Variants in AHRR observed in about 807,000 individuals in gnomAD.
The protein encoded by AHRR is ahR repressor.
Under a neutral mutation model 44.0 loss-of-function variants are expected in AHRR, and 28 were observed. The observed-to-expected ratio is 0.64, with a 90% CI of 0.47 to 0.87. AHRR has a LOEUF of 0.87. Among genes scored for constraint, AHRR ranks in the 40% least tolerant of loss-of-function variants. AHRR has a pLI of 0.00. For synonymous variants in AHRR, 434 were observed against 407.0 expected (o/e 1.07, Z -0.80); for missense variants, 990 against 953.9 (o/e 1.04, Z -0.50).
intron 4 of AHRR, among the ~76,000 whole-genome samples, chr5:408,398 A>G (rs1735353973): frequency 6.6e-6 from 1 of 150,488 alleles, no homozygotes; most frequent in Non-Finnish European, 1.5e-5. Context: ...TTTTTTCAGG[A>G]ATAATTGTTG....
chr5:367,848 C>T (rs1389235852), intron 3 of AHRR: 3 of 702,580 alleles, frequency 4.3e-6, no homozygotes, highest in Non-Finnish European at 5.2e-6. Context: ...ATGTGGATGA[C>T]CACACGGGCG....
rs1163635179 is a variant in AHRR, at chr5:342,502, G to T, written c.-10-1391G>T. 6.6e-6 allele frequency among the ~76,000 whole-genome samples: 1 copy of T among 152,172 alleles called. No homozygotes were observed. On this transcript the variant is annotated intron_variant, in intron 1 of 10. Transcript: ENST00000684583. This position sits in a 1 kb window ranked among gnomAD's most constrained non-coding sequence, Gnocchi z 4.3. ...TTCATTTGATTAACGTTTGCATGTT[G>T]TATCTTTTTCTATCCATTTACTTTA...
intron 4 of AHRR, among the ~76,000 whole-genome samples, chr5:389,943 G>GAA (rs1734342530): frequency 2.4e-5 from 3 of 126,010 alleles, no homozygotes; most frequent in African/African-American, 8.8e-5. Flanking sequence ...GAGGGGAAGG[G>GAA]AGGGAGGGGG....
intron 3 of AHRR, among the ~76,000 whole-genome samples, chr5:372,613 G>A (rs1359940527): frequency 1.3e-5 from 2 of 152,108 alleles, no homozygotes; most frequent in East Asian, 1.9e-4. Flanking sequence ...GCTGGGGTGC[G>A]TGATCTCCAG....
At position 427,843 on chromosome 5, in the gene AHRR, G is replaced by A. The variant is rs748194882; in HGVS notation, c.745G>A (p.Gly249Arg). The A allele has an allele frequency of 6.2e-7, 1 of 1,614,200 alleles. No homozygotes were observed. Among genetic ancestry groups the A allele is most frequent in the Non-Finnish European group, 8.5e-7 (1 of 1,180,042 alleles). Residue 249 changes from glycine (G) to arginine (R), a missense_variant, in exon 8 of 11, where the codon GGA becomes AGA. Physicochemically the swap from Gly to Arg is moderately radical, Grantham distance 125. Coordinates refer to ENST00000684583, the MANE Select transcript of AHRR (RefSeq NM_001377236.1). ...QFQGKLKFLF[G>R]QKKKAPSGAM... is the part of the protein sequence containing the mutation. ...TCAAGGAAAACTAAAATTCCTGTTTGGACAGAAGAAGAAGGCGCCGTCAGG... is the reference window on the plus strand; with the variant it reads ...TCAAGGAAAACTAAAATTCCTGTTTAGACAGAAGAAGAAGGCGCCGTCAGG...
chr5:402,572 G>C (rs1735063611), intron 4 of AHRR, among the ~76,000 whole-genome samples: 1 of 152,218 alleles, frequency 6.6e-6, no homozygotes, highest in Non-Finnish European at 1.5e-5. Context: ...TTGGCGGGAA[G>C]GTAGATTAGT....
At chr5:343,793 T>G in intron 1 of AHRR, 100 bp from the exon 2 acceptor site, 5 of 1,234,314 alleles carry the variant, frequency 4.1e-6, no homozygotes, top group Non-Finnish European at 5.6e-6. Flanking sequence ...GGGTCGCGGG[T>G]GTGGGGGCGC....
chr5:387,214 A>G lies in AHRR; in HGVS notation c.351+10498A>G, dbSNP rs759483601. ...CCAGGACACGTGTCAGTTCGTACAC[A>G]GAAGCGGGGTCCTGTCTCCTGCTCT... On this transcript the variant is annotated intron_variant, in intron 4 of 10. Coordinates refer to ENST00000684583, the MANE Select transcript of AHRR (RefSeq NM_001377236.1). This position sits in a 1 kb window ranked among gnomAD's most constrained non-coding sequence, Gnocchi z 5.1. Among the ~76,000 whole-genome samples, 6 of 152,230 alleles carry G rather than the reference A, an allele frequency of 3.9e-5. No individual in the cohort carries two copies. The highest frequency in any genetic ancestry group is 7.3e-5 in the Non-Finnish European group (5 of 68,038).
chr5:403,353 T>A (rs1265912531), intron 4 of AHRR, among the ~76,000 whole-genome samples: 2 of 152,140 alleles, frequency 1.3e-5, no homozygotes, highest in Admixed American at 1.3e-4. Context: ...TTTAACCACT[T>A]AGGTCGGGTG....
chr5:396,069 G>A (rs1031039973), intron 4 of AHRR, among the ~76,000 whole-genome samples: 3 of 152,196 alleles, frequency 2.0e-5, no homozygotes, highest in Non-Finnish European at 2.9e-5. Flanking sequence ...AAACGAGCCC[G>A]GGAGGGTAAG....
At chr5:389,391 C>T (rs1432009371) in intron 4 of AHRR, among the ~76,000 whole-genome samples, 5 of 152,206 alleles carry the variant, frequency 3.3e-5, no homozygotes, top group East Asian at 3.9e-4. Flanking sequence ...CCGAGCGACT[C>T]GGATCACATT....
At chr5:423,003 G>A in intron 6 of AHRR, 145 bp downstream of exon 6, 5 of 1,179,632 alleles carry the variant, frequency 4.2e-6, no homozygotes, top group Non-Finnish European at 5.8e-6. Flanking sequence ...CCTTTCTTCA[G>A]AGGCCTCCTC....
intron 3 of AHRR, among the ~76,000 whole-genome samples, chr5:374,060 G>A (rs1267258296): frequency 1.3e-5 from 2 of 152,132 alleles, no homozygotes; most frequent in Non-Finnish European, 2.9e-5. Context: ...CGGGTGGGAC[G>A]GGGTCGGCTC....
rs542325148 is a variant in AHRR, at chr5:375,316, A to T, written c.245-1294A>T. ...GCTTTTCGATGAGGCGGTGCCCCTC[A>T]AACTTGATTTTCTGTCTGGGTCGGG... On this transcript the variant is annotated intron_variant, in intron 3 of 10. Transcript: ENST00000684583. 2.1e-3 allele frequency among the ~76,000 whole-genome samples: 327 copies of T among 152,304 alleles called. 2 individuals are homozygous for T. In the Middle Eastern group the frequency reaches 0.024, roughly 11 times the overall value.
intron 1 of AHRR, among the ~76,000 whole-genome samples, chr5:324,180 C>T (rs1391815670): frequency 1.3e-5 from 2 of 151,684 alleles, no homozygotes; most frequent in Non-Finnish European, 2.9e-5. Flanking sequence ...CTGCCTCAGC[C>T]TCCCAAGTAG....
chr5:338,448 C>G lies in AHRR; in HGVS notation c.-10-5445C>G, dbSNP rs925181348. 2.6e-5 allele frequency among the ~76,000 whole-genome samples: 4 copies of G among 152,128 alleles called. No homozygotes were observed. Among genetic ancestry groups the G allele is most frequent in the Non-Finnish European group, 2.9e-5 (2 of 68,010 alleles). ...TAGGTTTCAGGGTTTTTTCTTTCAG[C>G]TTTAAAGATGTTGCTCCACTACCTT... On this transcript the variant is annotated intron_variant, in intron 1 of 10. Coordinates refer to ENST00000684583, the MANE Select transcript of AHRR (RefSeq NM_001377236.1). This position sits in a 1 kb window ranked among gnomAD's most constrained non-coding sequence, Gnocchi z 4.1.
intron 8 of AHRR, among the ~76,000 whole-genome samples, chr5:430,836 T>C (rs1736689894): frequency 6.6e-6 from 1 of 152,114 alleles, no homozygotes; most frequent in African/African-American, 2.4e-5. Context: ...GGCCCACACA[T>C]CTCTGGAAGG....
intron 5 of AHRR, 167 bp from the exon 6 acceptor site, chr5:422,562 G>A (rs898516891): frequency 1.2e-6 from 1 of 856,674 alleles, no homozygotes; most frequent in Non-Finnish European, 1.8e-6. Flanking sequence ...TTCTCAGGAG[G>A]GAGTGGGGAA....
intron 3 of AHRR, among the ~76,000 whole-genome samples, chr5:367,131 G>C (rs1264246409): frequency 6.6e-6 from 1 of 152,224 alleles, no homozygotes; most frequent in Non-Finnish European, 1.5e-5. Context: ...CTAAAATGGA[G>C]AAGTTGCAGG....
Sources: gnomAD v4.1 joint callset for allele counts (sites outside exome capture counted in the v4.1 genomes callset) on GRCh38, gnomAD v4.1.1 for gene constraint, Gnocchi (gnomAD v3.1) non-coding constraint, MANE v1.5 for transcripts, NCBI Gene and HGNC (gene_info 2026-07-23, HGNC 2026-07-21) for gene names.